The following DMD variants were observed in gnomAD, a reference collection of about 807,000 sequenced individuals.
DMD encodes dystrophin.
In DMD, 63 loss-of-function variants were observed where a neutral mutation model predicts 330.1. The ratio of observed to expected loss-of-function variants is 0.19; its 90% CI spans 0.16 to 0.24. The LOEUF is 0.24. DMD is among the 10% of genes least tolerant of loss of function. The pLI, the probability that DMD is intolerant of heterozygous loss-of-function variation, is 1.00. For missense variants in DMD, 3,344 were observed against 2,684.1 expected (o/e 1.25, Z -5.43); for synonymous variants, 1,223 against 959.8 (o/e 1.27, Z -5.07).
chrX:31,679,174 T>C (rs1171349970), intron 53 of DMD, among the ~76,000 whole-genome samples: 1 of 111,873 alleles, frequency 8.9e-6, no homozygotes, highest in Non-Finnish European at 1.9e-5. Flanking sequence ...TGAGCTATGA[T>C]TGTGCCACTG....
At chrX:32,820,314 C>T (rs980457772) in intron 5 of DMD, among the ~76,000 whole-genome samples, 13 of 110,787 alleles carry the variant, frequency 1.2e-4, no homozygotes, top group Non-Finnish European at 2.3e-4. Flanking sequence ...TGGTGGCGGG[C>T]GCCTGTAGTC....
intron 62 of DMD, among the ~76,000 whole-genome samples, chrX:31,291,985 A>C (rs955923342): frequency 1.5e-4 from 17 of 111,523 alleles, no homozygotes; most frequent in African/African-American, 4.9e-4. Context: ...CTATATATCT[A>C]AATGGAAAAG....
chrX:31,307,204 A>G (rs985511046), intron 62 of DMD, among the ~76,000 whole-genome samples: 25 of 111,570 alleles, frequency 2.2e-4, no homozygotes, highest in Admixed American at 1.5e-3. Flanking sequence ...CAGTCAGATA[A>G]CTTCTCAGAA....
chrX:32,323,256 T>C (rs2097629889), intron 41 of DMD, among the ~76,000 whole-genome samples: 1 of 111,895 alleles, frequency 8.9e-6, no homozygotes, highest in Non-Finnish European at 1.9e-5. Flanking sequence ...TGCCATTTTA[T>C]ATAAATAATT....
chrX:32,511,524 G>GGGAAAAAAAA (rs766801853), intron 18 of DMD, among the ~76,000 whole-genome samples: 2 of 49,795 alleles, frequency 4.0e-5, no homozygotes, highest in African/African-American at 7.8e-5. Context: ...TCCGTCTCGG[G>GGGAAAAAAAA]AAAAAAAAAA....
chrX:31,363,154 T>A (rs1033130118), intron 60 of DMD, among the ~76,000 whole-genome samples: 12 of 111,625 alleles, frequency 1.1e-4, no homozygotes, highest in African/African-American at 3.9e-4. Context: ...ACTAAGAATA[T>A]TTACGTTAAT....
At chrX:31,584,661 A>G (rs1051283415) in intron 55 of DMD, among the ~76,000 whole-genome samples, 4 of 111,926 alleles carry the variant, frequency 3.6e-5, no homozygotes, top group Admixed American at 1.9e-4. Flanking sequence ...TGTCCTTTGC[A>G]GGAACACATA....
At chrX:31,991,042 A>G (rs1259559941) in intron 44 of DMD, among the ~76,000 whole-genome samples, 2 of 111,843 alleles carry the variant, frequency 1.8e-5, no homozygotes, top group Non-Finnish European at 3.8e-5. Flanking sequence ...CTGAAAACCA[A>G]TACAGGTTTT....
chrX:32,755,604 T>A (rs993890216), intron 7 of DMD, among the ~76,000 whole-genome samples: 1 of 112,274 alleles, frequency 8.9e-6, no homozygotes, highest in African/African-American at 3.2e-5. Context: ...CTTGAGTTCT[T>A]AATTACAAAT....
rs1045070146 is a variant in DMD, at chrX:32,906,763, G to A, written c.94-56943C>T. Among the ~76,000 whole-genome samples the A allele has an allele frequency of 2.7e-5, 3 of 111,517 alleles. No homozygotes were observed. The Admixed American group carries it at 2.9e-4, about 11-fold the overall frequency. ...GATGGGGTCAAGACTACATGAGAGA[G>A]AGCAGTTAGGATGCTATTTCAGTAC... On this transcript the variant is annotated intron_variant, in intron 2 of 78. Coordinates refer to ENST00000357033, the MANE Select transcript of DMD (RefSeq NM_004006.3).
intron 56 of DMD, among the ~76,000 whole-genome samples, chrX:31,506,362 T>C (rs1048739268): frequency 8.9e-6 from 1 of 111,864 alleles, no homozygotes; most frequent in Non-Finnish European, 1.9e-5. Context: ...TATTATTAAG[T>C]CCATTTGGTC....
intron 1 of DMD, among the ~76,000 whole-genome samples, chrX:33,303,403 G>A (rs745739087): frequency 3.6e-5 from 4 of 111,239 alleles, no homozygotes; most frequent in East Asian, 2.8e-4. Flanking sequence ...TCTTTCCACC[G>A]AAGAGACTTA....
At chrX:32,729,724 T>A (rs1301238190) in intron 7 of DMD, among the ~76,000 whole-genome samples, 1 of 104,379 alleles carries the variant, frequency 9.6e-6, no homozygotes, top group South Asian at 4.4e-4. Flanking sequence ...CTTTTTATAC[T>A]AAGAAATTCA....
chrX:31,311,312 A>G (rs1186445934), intron 62 of DMD, among the ~76,000 whole-genome samples: 1 of 111,892 alleles, frequency 8.9e-6, no homozygotes, highest in Non-Finnish European at 1.9e-5. Context: ...AGGCTCCTGC[A>G]GAGCACTTCT....
chrX:31,221,029 T>C (rs1480820017), intron 64 of DMD, among the ~76,000 whole-genome samples: 1 of 106,427 alleles, frequency 9.4e-6, no homozygotes, highest in African/African-American at 3.4e-5. Flanking sequence ...CTGCACCACA[T>C]CAAATGAATC....
chrX:31,301,425 T>C (rs996267496), intron 62 of DMD, among the ~76,000 whole-genome samples: 1 of 111,979 alleles, frequency 8.9e-6, no homozygotes, highest in African/African-American at 3.2e-5. Context: ...CTTAAAATCA[T>C]GGCAGAAGGC....
chrX:31,925,285 A>G (rs1283806265), intron 47 of DMD, among the ~76,000 whole-genome samples: 1 of 112,127 alleles, frequency 8.9e-6, no homozygotes, highest in African/African-American at 3.2e-5. Flanking sequence ...AATCACTTTT[A>G]TATTTAAATA....
intron 45 of DMD, among the ~76,000 whole-genome samples, chrX:31,943,580 C>A (rs2095035973): frequency 9.0e-6 from 1 of 111,564 alleles, no homozygotes; most frequent in African/African-American, 3.3e-5. Flanking sequence ...TTACATTATG[C>A]CAGTTTCTTT....
chrX:32,808,659 T>C (rs2077126129), intron 7 of DMD, among the ~76,000 whole-genome samples: 1 of 111,905 alleles, frequency 8.9e-6, no homozygotes, highest in African/African-American at 3.2e-5. Flanking sequence ...GATTTAATAT[T>C]CCCAAAAGCA....
Sources: gnomAD v4.1 joint callset for allele counts (sites outside exome capture counted in the v4.1 genomes callset) on GRCh38, gnomAD v4.1.1 for gene constraint, MANE v1.5 for transcripts, NCBI Gene and HGNC (gene_info 2026-07-23, HGNC 2026-07-21) for gene names.